Variants in PCDHGA8 observed in about 807,000 individuals in gnomAD.
The protein encoded by PCDHGA8 is protocadherin gamma subfamily A, 8, also known as protocadherin gamma-A8.
Under a neutral mutation model 59.2 loss-of-function variants are expected in PCDHGA8, and 45 were observed. The ratio of observed to expected loss-of-function variants is 0.76; its 90% CI spans 0.60 to 0.98. PCDHGA8 has a LOEUF of 0.98. PCDHGA8 is among the 50% of genes least tolerant of loss of function. The pLI is 0.00. For synonymous variants in PCDHGA8, 531 were observed against 519.0 expected (o/e 1.02, Z -0.32); for missense variants, 1,257 against 1,196.2 (o/e 1.05, Z -0.75).
chr5:141,431,354 G>C lies in PCDHGA8; in HGVS notation c.2424+36117G>C. 6.2e-7 allele frequency: 1 copy of C among 1,614,036 alleles called. No individual in the cohort carries two copies. Among genetic ancestry groups the C allele is most frequent in the Non-Finnish European group, 8.5e-7 (1 of 1,180,038 alleles). ...GTACCCCGAATTGGTGCTGAAACGC[G>C]CCCTGGACCGCGAAGAAAAGGCTGC... On this transcript the variant is annotated intron_variant, in intron 1 of 3. Transcript: ENST00000398604. This position sits in a 1 kb window ranked among gnomAD's most constrained non-coding sequence, Gnocchi z 4.8.
In PCDHGA8 at chr5:141,398,481, C is replaced by T. The variant is rs377302058; in HGVS notation, c.2424+3244C>T. ...CTGAAAATCCACTGAACTTTTATCACGTGAATGTGGAGATCGAGGACATTA... is the reference window on the plus strand; with the variant it reads ...CTGAAAATCCACTGAACTTTTATCATGTGAATGTGGAGATCGAGGACATTA... On this transcript the variant is annotated intron_variant, in intron 1 of 3. Transcript: ENST00000398604. The T allele has an allele frequency of 6.8e-6, 11 of 1,607,008 alleles. No individual in the cohort carries two copies. In the African/African-American group the frequency reaches 8.1e-5, roughly 12 times the overall value.
intron 1 of PCDHGA8, chr5:141,442,380 T>G (rs1235241143): frequency 2.6e-5 from 4 of 152,244 alleles, no homozygotes; most frequent in Non-Finnish European, 4.4e-5. Flanking sequence ...TCCTACCAGG[T>G]GTGTGCTTCT....
At chr5:141,418,974 G>A in intron 1 of PCDHGA8, 2 of 1,613,936 alleles carry the variant, frequency 1.2e-6, no homozygotes, top group Non-Finnish European at 1.7e-6. Context: ...TTCAAAACAC[G>A]GGACCAAGAC....
intron 1 of PCDHGA8, chr5:141,429,110 T>A (rs2097186231): frequency 6.6e-6 from 1 of 151,978 alleles, no homozygotes; most frequent in Non-Finnish European, 1.5e-5. Context: ...CGCCTCGGCC[T>A]CCCAAAGTGC....
intron 1 of PCDHGA8, chr5:141,417,592 TG>T: frequency 2.1e-6 from 1 of 485,078 alleles, no homozygotes; most frequent in Non-Finnish European, 3.5e-6. Context: ...ACAGAGCCTC[TG>T]GGCGCCGCCG....
chr5:141,457,386 A>G lies in PCDHGA8; in HGVS notation c.2425-37421A>G, dbSNP rs1303460358. Reference sequence around the variant, plus strand: ...TGCAAAATAATTGCCCAGAACTAGCATATTGATTCACATTTTCACATTACC... The same window carrying G: ...TGCAAAATAATTGCCCAGAACTAGCGTATTGATTCACATTTTCACATTACC... On this transcript the variant is annotated intron_variant, in intron 1 of 3. Transcript: ENST00000398604. Among the ~76,000 whole-genome samples the G allele has an allele frequency of 5.3e-5, 8 of 152,210 alleles. No homozygotes were observed. The East Asian group carries it at 1.3e-3, about 26-fold the overall frequency.
intron 2 of PCDHGA8, among the ~76,000 whole-genome samples, chr5:141,495,703 GGAGT>G (rs2099763108): frequency 6.6e-6 from 1 of 152,098 alleles, no homozygotes; most frequent in South Asian, 2.1e-4. Context: ...CAATAAATGT[GGAGT>G]GAGTAACTAC....
intron 1 of PCDHGA8, among the ~76,000 whole-genome samples, chr5:141,436,522 C>T (rs933890051): frequency 3.9e-5 from 6 of 152,088 alleles, no homozygotes; most frequent in African/African-American, 1.4e-4. Context: ...ACTGTGTCAC[C>T]TTTAGCAAGT....
Position 141,393,111 on chromosome 5 carries a change from C to T in PCDHGA8, c.298C>T (p.Pro100Ser), listed in dbSNP as rs762190466. 2 of 1,613,380 alleles carry T rather than the reference C, an allele frequency of 1.2e-6. No individual in the cohort carries two copies. The highest frequency in any genetic ancestry group is 2.7e-5 in the African/African-American group (2 of 74,936). ...TCGGGAGGAGCTCTGCGCTCAGAGC[C>T]CGCGGTGTCTGATAAATATTAACAC... is the stretch of plus-strand genomic sequence containing the variant. ...IDREELCAQS[P>S]RCLININTLV... Residue 100 changes from proline to serine, a missense_variant, in exon 1 of 4, where the codon CCG becomes TCG. By Grantham distance (74) the Pro-to-Ser change is moderately conservative. Coordinates refer to ENST00000398604, the MANE Select transcript of PCDHGA8 (RefSeq NM_032088.2).
At chr5:141,494,976 G>A in intron 2 of PCDHGA8, 111 bp downstream of exon 2, 1 of 1,575,636 alleles carries the variant, frequency 6.3e-7, no homozygotes. Flanking sequence ...TTCTCCCTCA[G>A]TTTGAGATCC....
intron 1 of PCDHGA8, chr5:141,410,053 C>T: frequency 6.2e-7 from 1 of 1,613,160 alleles, no homozygotes; most frequent in African/African-American, 1.3e-5. Context: ...CCGGACTCTT[C>T]AGCCTGGGGC....
intron 1 of PCDHGA8, chr5:141,433,253 G>T: frequency 7.1e-7 from 1 of 1,416,466 alleles, no homozygotes; most frequent in South Asian, 1.3e-5. Flanking sequence ...GAATGCAGCG[G>T]TACGATCATA....
chr5:141,456,285 G>T (rs2098848223), intron 1 of PCDHGA8, among the ~76,000 whole-genome samples: 1 of 152,134 alleles, frequency 6.6e-6, no homozygotes, highest in Non-Finnish European at 1.5e-5. Flanking sequence ...GCTGAAAAGG[G>T]GCGTCTAATG....
intron 1 of PCDHGA8, chr5:141,422,919 G>A (rs1445179310): frequency 3.7e-6 from 6 of 1,614,238 alleles, no homozygotes; most frequent in Non-Finnish European, 5.1e-6. Flanking sequence ...CCGAGATCCT[G>A]TACCCTGCCC....
chr5:141,401,171 G>A (rs1222326375), intron 1 of PCDHGA8, among the ~76,000 whole-genome samples: 1 of 152,054 alleles, frequency 6.6e-6, no homozygotes, highest in African/African-American at 2.4e-5. Context: ...GTGAAAACCC[G>A]TCTCTACTAA....
chr5:141,450,887 C>A (rs531604055), intron 1 of PCDHGA8, among the ~76,000 whole-genome samples: 1 of 148,582 alleles, frequency 6.7e-6, no homozygotes, highest in East Asian at 2.0e-4. Flanking sequence ...TGCAGTGGTG[C>A]GATATCGGCT....
rs1324870023 is a variant in PCDHGA8, at chr5:141,393,861, A to G, written c.1048A>G (p.Thr350Ala). Residue 350 changes from threonine (T) to alanine (A), a missense_variant, in exon 1 of 4, where the codon ACG (threonine) becomes GCG (alanine). By Grantham distance (58) the Thr-to-Ala change is moderately conservative (BLOSUM62 0). Coordinates refer to ENST00000398604, the MANE Select transcript of PCDHGA8 (RefSeq NM_032088.2). ...TGACAATAGACCAGAAGTGATCATT[A>G]CGTCTTTGTTTAGCCCAGTGTTAGA... ...VNDNRPEVII[T>A]SLFSPVLENS... The G allele has an allele frequency of 6.8e-6, 11 of 1,613,904 alleles. No individual in the cohort carries two copies. The highest frequency in any genetic ancestry group is 9.3e-6 in the Non-Finnish European group (11 of 1,179,904).
intron 1 of PCDHGA8, chr5:141,410,718 TA>T: frequency 7.1e-7 from 1 of 1,402,688 alleles, no homozygotes; most frequent in Non-Finnish European, 9.6e-7. Context: ...ATCATATGTT[TA>T]AAATCCATAG....
chr5:141,417,910 A>G (rs1339671115), intron 1 of PCDHGA8: 2 of 1,599,246 alleles, frequency 1.3e-6, no homozygotes, highest in East Asian at 2.3e-5. Flanking sequence ...GGCAGGTACT[A>G]TTTCCTTTGC....
Sources: gnomAD v4.1 joint callset for allele counts (sites outside exome capture counted in the v4.1 genomes callset) on GRCh38, gnomAD v4.1.1 for gene constraint, Gnocchi (gnomAD v3.1) non-coding constraint, MANE v1.5 for transcripts, NCBI Gene and HGNC (gene_info 2026-07-23, HGNC 2026-07-21) for gene names.